The following GPATCH1 variants were observed in gnomAD, a reference collection of about 807,000 sequenced individuals.
The protein encoded by GPATCH1 is G patch domain-containing protein 1.
GPATCH1 carries 73 observed loss-of-function variants against 114.9 expected under a neutral mutation model. That is an observed-to-expected ratio of 0.64 (90% CI 0.53 to 0.77). The LOEUF is 0.77. GPATCH1 is among the 30% of genes least tolerant of loss of function. The pLI, the probability that GPATCH1 is intolerant of heterozygous loss-of-function variation, is 0.00. For synonymous variants in GPATCH1, 391 were observed against 428.4 expected (o/e 0.91, Z 1.08); for missense variants, 1,058 against 1,144.3 (o/e 0.92, Z 1.09).
intron 17 of GPATCH1, among the ~76,000 whole-genome samples, chr19:33,120,535 C>G (rs1457997521): frequency 8.7e-6 from 1 of 114,558 alleles, no homozygotes; most frequent in East Asian, 2.5e-4. Flanking sequence ...GGTGACAGAG[C>G]AAGACTCTGT....
chr19:33,095,541 G>C (rs537086313), intron 5 of GPATCH1, among the ~76,000 whole-genome samples: 3 of 151,988 alleles, frequency 2.0e-5, no homozygotes, highest in African/African-American at 7.2e-5. Context: ...GGGATTACAG[G>C]CATGAGCCGC....
chr19:33,091,098 C>T (rs75831334), intron 3 of GPATCH1, among the ~76,000 whole-genome samples: 1 of 152,186 alleles, frequency 6.6e-6, no homozygotes, highest in African/African-American at 2.4e-5. Context: ...AGGGGAAAGT[C>T]ATATACAGGC....
chr19:33,115,750 T>C (rs1189396298), intron 15 of GPATCH1, among the ~76,000 whole-genome samples: 1 of 150,820 alleles, frequency 6.6e-6, no homozygotes, highest in African/African-American at 2.4e-5. Flanking sequence ...CGCCTCAGCC[T>C]CCCCAAAGTG....
chr19:33,109,570 G>A, intron 10 of GPATCH1, 147 bp from the exon 11 acceptor site: 1 of 546,634 alleles, frequency 1.8e-6, no homozygotes, highest in Non-Finnish European at 3.3e-6. Flanking sequence ...TAGTCCACAG[G>A]GACATATTAA....
intron 8 of GPATCH1, among the ~76,000 whole-genome samples, chr19:33,101,150 T>C (rs1175044052): frequency 6.6e-6 from 1 of 152,232 alleles, no homozygotes; most frequent in Admixed American, 6.5e-5. Flanking sequence ...CTTGTCCTTT[T>C]GGTGGTTTTT....
intron 17 of GPATCH1, among the ~76,000 whole-genome samples, chr19:33,121,024 TAAAA>T (rs1278327449): frequency 1.9e-4 from 29 of 150,686 alleles, no homozygotes; most frequent in Admixed American, 1.8e-3. Flanking sequence ...TAAAAAAAAT[TAAAA>T]AAGAAAAAGA....
At chr19:33,112,935 ATG>A (rs935804876) in intron 13 of GPATCH1, 37 of 190,518 alleles carry the variant, frequency 1.9e-4, no homozygotes, top group African/African-American at 8.7e-4. Flanking sequence ...AATGTTACTT[ATG>A]TTTTTAAATT....
At chr19:33,081,525 A>G (rs1186948675) in intron 1 of GPATCH1, among the ~76,000 whole-genome samples, 1 of 152,166 alleles carries the variant, frequency 6.6e-6, no homozygotes, top group African/African-American at 2.4e-5. Flanking sequence ...CGGAATAGCT[A>G]GTGTGAGAGC....
intron 8 of GPATCH1, chr19:33,100,071 A>G (rs908175107): frequency 1.3e-5 from 2 of 151,874 alleles, no homozygotes; most frequent in South Asian, 2.1e-4. Flanking sequence ...ATGGCTGGCC[A>G]TGGTTGATTT....
chr19:33,096,158 C>T, intron 6 of GPATCH1, 49 bp from the exon 7 acceptor site: 2 of 1,589,822 alleles, frequency 1.3e-6, no homozygotes, highest in Non-Finnish European at 1.7e-6. Flanking sequence ...TGTGGGTTTA[C>T]TTTGCATCCT....
intron 8 of GPATCH1, among the ~76,000 whole-genome samples, chr19:33,099,290 C>T (rs1029420635): frequency 1.3e-5 from 2 of 151,254 alleles, no homozygotes; most frequent in South Asian, 2.1e-4. Flanking sequence ...ATTTAATATA[C>T]AACATATTAA....
chr19:33,081,384 A>G lies in GPATCH1; in HGVS notation c.73+118A>G, dbSNP rs186203529. ...TTAGATCGTTCCCAGCGCTGGGAAC[A>G]CGGCGACGAGGGAGGCGTTAGCCGC... On this transcript the variant is annotated intron_variant, in intron 1 of 19. Transcript: ENST00000170564. 9.5e-3 allele frequency: 8,034 copies of G among 849,910 alleles called. 66 individuals carry two copies. The highest frequency in any genetic ancestry group is 0.012 in the Non-Finnish European group (6,582 of 531,644). 52.6% of individuals were successfully genotyped at this position (849,910 alleles called of 1,614,324 possible). A position where few individuals can be genotyped will look rare whatever the true frequency, so the allele number is the denominator to read the frequency against.
Position 33,119,033 on chromosome 19 carries a change from C to T in GPATCH1, c.2437C>T (p.Pro813Ser). The T allele has an allele frequency of 1.2e-6, 2 of 1,612,566 alleles. No individual in the cohort carries two copies. The highest frequency in any genetic ancestry group is 1.1e-5 in the South Asian group (1 of 90,958). The change falls in exon 17 of 20, where the codon CCG becomes TCG. Residue 813 changes from proline (P) to serine (S), a missense_variant. By Grantham distance (74) the Pro-to-Ser change is moderately conservative. Coordinates refer to ENST00000170564, the MANE Select transcript of GPATCH1 (RefSeq NM_018025.3). ...AHALVPAPQE[P>S]PPSFPIQKMQ... ...AGCTCTTGTGCCAGCACCCCAGGAG[C>T]CGCCACCTTCCTTCCCGATACAAAA...
Position 33,096,367 on chromosome 19 carries a change from T to C in GPATCH1, c.773T>C (p.Phe258Ser). The C allele has an allele frequency of 6.2e-7, 1 of 1,614,098 alleles. No individual in the cohort carries two copies. The change falls in exon 7 of 20, where the codon TTC (phenylalanine) becomes TCC (serine). Residue 258 changes from phenylalanine (F) to serine (S), a missense_variant. By Grantham distance (155) the Phe-to-Ser change is radical (BLOSUM62 -2). This residue lies in a region of GPATCH1 where 893 missense variants were observed against 977.4 expected (regional missense o/e 0.91). Transcript: ENST00000170564. ...FGTSGEHFNL[F>S]SGGSERAGDL... is the part of the protein sequence containing the mutation. ...ACTTCGGGAGAACATTTTAATCTTT[T>C]CAGTGGTGGTTCTGAGAGAGCTGGC... is the stretch of plus-strand genomic sequence containing the variant.
intron 6 of GPATCH1, 123 bp downstream of exon 6, chr19:33,095,943 A>T (rs1379090055): frequency 1.2e-6 from 1 of 803,564 alleles, no homozygotes; most frequent in Non-Finnish European, 2.2e-6. Context: ...AAATACTCAT[A>T]CCCTAAAGCT....
At chr19:33,123,299 C>T (rs1229577831) in intron 17 of GPATCH1, among the ~76,000 whole-genome samples, 1 of 151,460 alleles carries the variant, frequency 6.6e-6, no homozygotes, top group Admixed American at 6.6e-5. Flanking sequence ...ACTTGGGAGG[C>T]TGAGGCAGGA....
chr19:33,109,225 CAT>C (rs1972821325), intron 10 of GPATCH1, among the ~76,000 whole-genome samples: 1 of 151,948 alleles, frequency 6.6e-6, no homozygotes. Context: ...TCAAAAAAAA[CAT>C]AGGAATTGGC....
chr19:33,092,251 A>C (rs888389785), intron 3 of GPATCH1, among the ~76,000 whole-genome samples: 7 of 151,906 alleles, frequency 4.6e-5, no homozygotes, highest in Non-Finnish European at 7.4e-5. Flanking sequence ...GGGTTTCACC[A>C]TATTGGCCAG....
In GPATCH1 at chr19:33,096,347, G is replaced by C. The variant is rs141905174; in HGVS notation, c.753G>C (p.Ser251=). The change falls in exon 7 of 20, where the codon TCG becomes TCC. Residue 251 remains serine (S), a synonymous_variant. Coordinates refer to ENST00000170564, the MANE Select transcript of GPATCH1 (RefSeq NM_018025.3). The part of the protein sequence containing the change: ...LDPHQALFGT[S]GEHFNLFSGG... ...CCCACCAGGCACTGTTTGGAACTTC[G>C]GGAGAACATTTTAATCTTTTCAGTG... is the stretch of plus-strand genomic sequence containing the variant. 1 of 1,614,066 alleles carries C rather than the reference G, an allele frequency of 6.2e-7. No individual in the cohort carries two copies. Among genetic ancestry groups the C allele is most frequent in the East Asian group, 2.2e-5 (1 of 44,874 alleles).
Sources: gnomAD v4.1 joint callset for allele counts (sites outside exome capture counted in the v4.1 genomes callset) on GRCh38, gnomAD v4.1.1 for gene constraint, gnomAD v4.1.1 regional missense constraint, MANE v1.5 for transcripts, NCBI Gene and HGNC (gene_info 2026-07-23, HGNC 2026-07-21) for gene names.